Variants in DENND2B observed in about 807,000 individuals in gnomAD.
The protein encoded by DENND2B is DENN domain-containing protein 2B.
In DENND2B, 32 loss-of-function variants were observed where a neutral mutation model predicts 116.0. The observed-to-expected ratio is 0.28, with a 90% CI of 0.21 to 0.37. The LOEUF (loss-of-function observed/expected upper bound fraction) is 0.37, where lower values mean the gene tolerates loss of function less well. DENND2B is among the 10% of genes least tolerant of loss of function. The pLI is 1.00. For synonymous variants in DENND2B, 588 were observed against 583.9 expected (o/e 1.01, Z -0.10); for missense variants, 1,276 against 1,477.7 (o/e 0.86, Z 2.24).
chr11:8,773,012 G>A (rs2057158209), intron 1 of DENND2B, among the ~76,000 whole-genome samples: 1 of 152,010 alleles, frequency 6.6e-6, no homozygotes, highest in African/African-American at 2.4e-5. Context: ...GAGTTTTAGT[G>A]CCAGTGCTTT....
At chr11:8,771,560 A>AGAGAGAGAGAGAGCGAGC (rs1173659150) in intron 1 of DENND2B, 1 of 149,608 alleles carries the variant, frequency 6.7e-6, no homozygotes, top group Non-Finnish European at 1.5e-5. Flanking sequence ...AGAGAGAGAG[A>AGAGAGAGAGAGAGCGAGC]GAGAGAGCCT....
intron 1 of DENND2B, among the ~76,000 whole-genome samples, chr11:8,884,110 G>A (rs1285197548): frequency 6.6e-6 from 1 of 152,152 alleles, no homozygotes; most frequent in East Asian, 1.9e-4. Context: ...CTCTATGCCT[G>A]TGTCAGAAGT....
intron 1 of DENND2B, among the ~76,000 whole-genome samples, chr11:8,909,063 A>G (rs901193749): frequency 2.6e-5 from 4 of 152,184 alleles, no homozygotes; most frequent in Admixed American, 6.5e-5. Context: ...AACACTACAG[A>G]TACAGTCCCT....
chr11:8,714,341 A>G (rs1015591934), intron 7 of DENND2B, among the ~76,000 whole-genome samples: 1 of 152,250 alleles, frequency 6.6e-6, no homozygotes, highest in Non-Finnish European at 1.5e-5. Flanking sequence ...CAGGAGGTCA[A>G]GATTTGAAAT....
intron 2 of DENND2B, among the ~76,000 whole-genome samples, chr11:8,743,954 G>A (rs574705228): frequency 8.6e-5 from 13 of 151,378 alleles, no homozygotes; most frequent in Non-Finnish European, 1.3e-4. Flanking sequence ...TCACTATGTC[G>A]CCCAGGCTGG....
intron 3 of DENND2B, 37 bp from the exon 4 acceptor site, chr11:8,726,246 T>G: frequency 6.3e-7 from 1 of 1,578,746 alleles, no homozygotes; most frequent in Non-Finnish European, 8.6e-7. Flanking sequence ...TCCTGCTGAA[T>G]CAGATCTCTG....
intron 1 of DENND2B, among the ~76,000 whole-genome samples, chr11:8,773,760 C>T (rs1158351768): frequency 6.6e-6 from 1 of 152,092 alleles, no homozygotes; most frequent in African/African-American, 2.4e-5. Flanking sequence ...CTGTTCCCCA[C>T]CCCCAATGAA....
At chr11:8,767,176 A>C (rs183074953) in intron 1 of DENND2B, among the ~76,000 whole-genome samples, 3 of 152,306 alleles carry the variant, frequency 2.0e-5, no homozygotes, top group African/African-American at 7.2e-5. Flanking sequence ...GCAGAGGGAC[A>C]GACTATCAGT....
At chr11:8,873,976 G>A (rs1279624281), upstream of DENND2B, among the ~76,000 whole-genome samples, 2 of 152,286 alleles carry the variant, frequency 1.3e-5, no homozygotes, top group Admixed American at 6.5e-5. Context: ...AATAGGAAGC[G>A]CTTGTAGGAG....
intron 2 of DENND2B, chr11:8,877,355 T>G (rs2063855558): frequency 6.6e-6 from 1 of 151,982 alleles, no homozygotes; most frequent in South Asian, 2.1e-4. Flanking sequence ...TCCACCCGCC[T>G]TGGCCTCCCA....
At position 8,693,475 on chromosome 11, in the gene DENND2B, G is replaced by C. The variant is rs1026681509; in HGVS notation, c.*621C>G. 2 of 152,832 alleles carry C rather than the reference G, an allele frequency of 1.3e-5. No individual in the cohort carries two copies. Among genetic ancestry groups the C allele is most frequent in the African/African-American group, 4.8e-5 (2 of 41,438 alleles). The allele number at this position is 152,832 out of a possible 1,614,324, so 9.5% of individuals were successfully genotyped here. ...AGGCCCAGAGAGCACTGGCAGAGCTGGGGGTGGGCTTCCCATGACACACTG... is the reference window on the plus strand; with the variant it reads ...AGGCCCAGAGAGCACTGGCAGAGCTCGGGGTGGGCTTCCCATGACACACTG... On this transcript the variant is annotated 3_prime_UTR_variant, in exon 20 of 20. Coordinates refer to ENST00000313726, the MANE Select transcript of DENND2B (RefSeq NM_213618.2).
At chr11:8,747,236 A>G (rs1273402771) in intron 2 of DENND2B, among the ~76,000 whole-genome samples, 3 of 151,654 alleles carry the variant, frequency 2.0e-5, no homozygotes, top group Admixed American at 6.6e-5. Context: ...ATTCTCACAC[A>G]CTCAGATTTT....
intron 1 of DENND2B, among the ~76,000 whole-genome samples, chr11:8,783,250 C>T (rs2058576293): frequency 6.6e-6 from 1 of 152,102 alleles, no homozygotes; most frequent in Admixed American, 6.6e-5. Flanking sequence ...AATAGCATCT[C>T]ACTACGTTGC....
At chr11:8,826,596 C>G (rs554847874) in intron 4 of DENND2B, among the ~76,000 whole-genome samples, 1 of 152,318 alleles carries the variant, frequency 6.6e-6, no homozygotes, top group South Asian at 2.1e-4. Context: ...GGCCATTCAA[C>G]ATCCGGTTCT....
At chr11:8,728,352 G>C (rs2047490466) in intron 3 of DENND2B, among the ~76,000 whole-genome samples, 1 of 151,942 alleles carries the variant, frequency 6.6e-6, no homozygotes, top group Non-Finnish European at 1.5e-5. Flanking sequence ...AATCACACTT[G>C]GTATAACAGA....
chr11:8,801,801 G>C (rs1325850829), intron 1 of DENND2B, among the ~76,000 whole-genome samples: 1 of 151,044 alleles, frequency 6.6e-6, no homozygotes, highest in Non-Finnish European at 1.5e-5. Flanking sequence ...CTCAGTTCGA[G>C]ACCAGCCTGG....
In DENND2B at chr11:8,739,749, TA is replaced by T. The variant is rs530080774; in HGVS notation, c.81-8541del. ...GGAGAGATGAAGTAAGATGAACAGATAAAAGAAAGCAGGGGAGAATGCAAAG... is the reference window on the plus strand; with the variant it reads ...GGAGAGATGAAGTAAGATGAACAGATAAAGAAAGCAGGGGAGAATGCAAAG... On this transcript the variant is annotated intron_variant, in intron 2 of 19. Transcript: ENST00000313726. Among the ~76,000 whole-genome samples the T allele has an allele frequency of 1.5e-4, 23 of 151,726 alleles. No homozygotes were observed. In the East Asian group the frequency reaches 4.5e-3, roughly 30 times the overall value.
chr11:8,699,805 CT>C, intron 14 of DENND2B: 1 of 456,868 alleles, frequency 2.2e-6, no homozygotes, highest in Non-Finnish European at 4.4e-6. Flanking sequence ...GGACAAAGAA[CT>C]TGTGGAAAAC....
chr11:8,785,820 C>T (rs2058849348), intron 1 of DENND2B: 2 of 152,152 alleles, frequency 1.3e-5, no homozygotes, highest in African/African-American at 4.8e-5. Context: ...AGGTCAGCCC[C>T]CTTCCCTCCC....
Sources: gnomAD v4.1 joint callset for allele counts (sites outside exome capture counted in the v4.1 genomes callset) on GRCh38, gnomAD v4.1.1 for gene constraint, MANE v1.5 for transcripts, NCBI Gene and HGNC (gene_info 2026-07-23, HGNC 2026-07-21) for gene names.